Variants in ARB2A observed in about 807,000 individuals in gnomAD.
ARB2A encodes the protein cotranscriptional regulator ARB2A.
the ARB2A span, among the ~76,000 whole-genome samples, chr5:93,949,872 A>C: frequency 2.0e-5 from 3 of 152,092 alleles, no homozygotes; most frequent in Non-Finnish European, 4.4e-5. Context: ...ATTAGCTGTT[A>C]TTTATTTGAG....
the ARB2A span, among the ~76,000 whole-genome samples, chr5:93,823,044 A>C: frequency 4.6e-5 from 7 of 152,186 alleles, no homozygotes; most frequent in Non-Finnish European, 1.0e-4. Context: ...AAGTCTAGAA[A>C]CATAAAAATT....
chr5:93,821,091 G>C, the ARB2A span, among the ~76,000 whole-genome samples: 1 of 152,224 alleles, frequency 6.6e-6, no homozygotes, highest in East Asian at 1.9e-4. Flanking sequence ...AGTAAATTAT[G>C]TTCTCACTTT....
chr5:93,804,360 G>C, the ARB2A span, among the ~76,000 whole-genome samples: 9 of 151,974 alleles, frequency 5.9e-5, no homozygotes, highest in Admixed American at 5.9e-4. Flanking sequence ...ATATCTGCAA[G>C]GATTATTCAC....
At chr5:94,092,990 G>A in the ARB2A span, among the ~76,000 whole-genome samples, 1 of 152,022 alleles carries the variant, frequency 6.6e-6, no homozygotes, top group African/African-American at 2.4e-5. Flanking sequence ...TAAATATAGG[G>A]GGAAAACCTG....
the ARB2A span, among the ~76,000 whole-genome samples, chr5:94,101,173 T>A: frequency 1.3e-5 from 2 of 152,136 alleles, no homozygotes; most frequent in African/African-American, 4.8e-5. Flanking sequence ...TTAAAAGACA[T>A]ACATGTGGCC....
At chr5:93,972,911 TAAA>T in the ARB2A span, among the ~76,000 whole-genome samples, 3 of 114,538 alleles carry the variant, frequency 2.6e-5, no homozygotes, top group Non-Finnish European at 3.8e-5. Context: ...CCTTGTCTCT[TAAA>T]AAAAAAAAAA....
chr5:93,890,088 AT>A, the ARB2A span, among the ~76,000 whole-genome samples: 2 of 151,956 alleles, frequency 1.3e-5, no homozygotes, highest in Non-Finnish European at 2.9e-5. Context: ...ACAAAGTACT[AT>A]CTATCATATT....
At chr5:94,042,455 G>A in the ARB2A span, among the ~76,000 whole-genome samples, 7 of 150,612 alleles carry the variant, frequency 4.6e-5, no homozygotes, top group East Asian at 6.0e-4. Context: ...ACAGGCGCCC[G>A]CCACCACGCC....
chr5:93,986,115 C>T, the ARB2A span, among the ~76,000 whole-genome samples: 1 of 149,930 alleles, frequency 6.7e-6, no homozygotes, highest in Non-Finnish European at 1.5e-5. Flanking sequence ...GCCGCCACCC[C>T]GTCTGGGAGG....
chr5:93,929,619 GA>G, the ARB2A span, among the ~76,000 whole-genome samples: 1 of 150,172 alleles, frequency 6.7e-6, no homozygotes, highest in South Asian at 2.1e-4. Context: ...TTACAACTCA[GA>G]AAAAAAAATA....
At chr5:93,774,627 T>A in the ARB2A span, among the ~76,000 whole-genome samples, 1 of 152,234 alleles carries the variant, frequency 6.6e-6, no homozygotes, top group African/African-American at 2.4e-5. Flanking sequence ...TGCCTTTTTT[T>A]TGGTTTCACT....
the ARB2A span, among the ~76,000 whole-genome samples, chr5:93,869,199 A>G: frequency 2.0e-5 from 3 of 152,302 alleles, no homozygotes; most frequent in Non-Finnish European, 4.4e-5. Flanking sequence ...CTAACCTGAC[A>G]AGGGCCCCAG....
the ARB2A span, among the ~76,000 whole-genome samples, chr5:93,972,000 G>A: frequency 6.6e-6 from 1 of 152,160 alleles, no homozygotes; most frequent in Non-Finnish European, 1.5e-5. Flanking sequence ...ACAAGGACGA[G>A]GGGAGTAATC....
the ARB2A span, among the ~76,000 whole-genome samples, chr5:94,060,384 C>A: frequency 1.3e-5 from 2 of 152,066 alleles, no homozygotes; most frequent in African/African-American, 2.4e-5. Context: ...ATATTAGTGA[C>A]AACCCTATAC....
the ARB2A span, among the ~76,000 whole-genome samples, chr5:93,833,069 C>T: frequency 1.3e-5 from 2 of 152,182 alleles, no homozygotes; most frequent in African/African-American, 4.8e-5. Context: ...CCAGCTCTAC[C>T]ATCAGCCATG....
chr5:93,685,518 T>C, the ARB2A span, among the ~76,000 whole-genome samples: 1 of 152,208 alleles, frequency 6.6e-6, no homozygotes, highest in Non-Finnish European at 1.5e-5. Context: ...GCCCTTCCTC[T>C]TCCCCATGAC....
the ARB2A span, among the ~76,000 whole-genome samples, chr5:94,081,581 A>G: frequency 1.3e-5 from 2 of 152,220 alleles, no homozygotes; most frequent in African/African-American, 4.8e-5. Flanking sequence ...TACAAAATGA[A>G]GCCAATTACC....
At chr5:93,873,972 T>C in the ARB2A span, among the ~76,000 whole-genome samples, 1 of 152,322 alleles carries the variant, frequency 6.6e-6, no homozygotes, top group African/African-American at 2.4e-5. Context: ...AGGGAATGTT[T>C]GCAGGATAAG....
At chr5:93,667,249 T>C in the ARB2A span, among the ~76,000 whole-genome samples, 51 of 152,332 alleles carry the variant, frequency 3.3e-4, no homozygotes, top group African/African-American at 1.1e-3. Flanking sequence ...CCTTGTACCC[T>C]TTCTTCTAAA....
Sources: allele counts gnomAD v4.1 joint callset (sites outside exome capture counted in the v4.1 genomes callset), GRCh38; gene constraint gnomAD v4.1.1; transcripts MANE v1.5; gene names NCBI Gene and HGNC (gene_info 2026-07-23, HGNC 2026-07-21).